TRAPPC9: variants seen among roughly 807,000 people sequenced by gnomAD.
TRAPPC9 encodes the protein trafficking protein particle complex subunit 9.
In TRAPPC9, 83 loss-of-function variants were observed where a neutral mutation model predicts 124.0. The ratio of observed to expected loss-of-function variants is 0.67; its 90% CI spans 0.56 to 0.80. TRAPPC9 has a LOEUF of 0.80. Ranked by LOEUF, TRAPPC9 falls within the 30% of genes least tolerant of loss-of-function variation. The pLI, the probability that TRAPPC9 is intolerant of heterozygous loss-of-function variation, is 0.00. For missense variants in TRAPPC9, 1,302 were observed against 1,508.3 expected, an observed-to-expected ratio of 0.86 and a Z score of 2.27; for synonymous variants, 638 against 617.5, an observed-to-expected ratio of 1.03 and a Z score of -0.49.
chr8:140,410,223 T>C (rs1394204970), intron 5 of TRAPPC9, among the ~76,000 whole-genome samples: 1 of 152,088 alleles, frequency 6.6e-6, no homozygotes, highest in Admixed American at 6.6e-5. Context: ...GTTTTGATTT[T>C]TGGAATCATA....
At chr8:140,338,714 C>T (rs577789060) in intron 9 of TRAPPC9, among the ~76,000 whole-genome samples, 2 of 151,636 alleles carry the variant, frequency 1.3e-5, no homozygotes, top group South Asian at 2.1e-4. Context: ...ACCTACAGGC[C>T]GACGGGAAAC....
intron 9 of TRAPPC9, among the ~76,000 whole-genome samples, chr8:140,313,291 C>G (rs1298618384): frequency 6.6e-6 from 1 of 152,058 alleles, no homozygotes; most frequent in African/African-American, 2.4e-5. Context: ...TTGAATTCTA[C>G]CACCCCATAC....
intron 18 of TRAPPC9, among the ~76,000 whole-genome samples, chr8:139,997,754 G>A (rs1473687221): frequency 4.1e-4 from 29 of 70,552 alleles, no homozygotes; most frequent in Admixed American, 6.6e-4. Context: ...CAGGGAGACA[G>A]TGCATCCTAC....
chr8:140,046,720 A>G (rs1271944212), intron 17 of TRAPPC9, among the ~76,000 whole-genome samples: 1 of 152,222 alleles, frequency 6.6e-6, no homozygotes. Context: ...TTATTCTTCA[A>G]TGCCCCATAC....
chr8:139,808,585 A>G (rs542702418), intron 21 of TRAPPC9, among the ~76,000 whole-genome samples: 14 of 152,184 alleles, frequency 9.2e-5, no homozygotes, highest in Non-Finnish European at 1.5e-4. Context: ...ATGTACCCCT[A>G]AAAAGCAACT....
At chr8:139,733,132 A>G (rs904990339) in intron 21 of TRAPPC9, among the ~76,000 whole-genome samples, 7 of 152,268 alleles carry the variant, frequency 4.6e-5, no homozygotes, top group Non-Finnish European at 8.8e-5. Context: ...ATTAAGTGAA[A>G]GGTCCCGATA....
At chr8:140,279,275 G>A (rs933171354) in intron 14 of TRAPPC9, among the ~76,000 whole-genome samples, 21 of 152,272 alleles carry the variant, frequency 1.4e-4, no homozygotes, top group African/African-American at 3.4e-4. Context: ...GGCCTAGGTC[G>A]AGGGCATTTT....
rs202041590 is a variant in TRAPPC9 at position 140,221,422 on chromosome 8, C to A, written c.2556+37G>T. On this transcript the variant is annotated intron_variant, in intron 17 of 22. Coordinates refer to ENST00000438773, the MANE Select transcript of TRAPPC9 (RefSeq NM_001160372.4). ...AGAAACGGCTTTGCAGAAGCCCGAA[C>A]GGCACGTGGCAGATGCCGTCTGCCA... 2.5e-6 allele frequency: 4 copies of A among 1,612,758 alleles called. No homozygotes were observed. The Admixed American group carries it at 6.7e-5, about 27-fold the overall frequency.
intron 21 of TRAPPC9, among the ~76,000 whole-genome samples, chr8:139,817,765 T>C (rs1311096261): frequency 6.6e-6 from 1 of 152,182 alleles, no homozygotes; most frequent in Non-Finnish European, 1.5e-5. Flanking sequence ...TGCTCACTCC[T>C]CTATGGGATG....
chr8:140,385,375 A>C (rs957002123), intron 7 of TRAPPC9, among the ~76,000 whole-genome samples: 1 of 152,028 alleles, frequency 6.6e-6, no homozygotes, highest in African/African-American at 2.4e-5. Flanking sequence ...CAATGAATCC[A>C]GGAGCTGGTT....
chr8:140,455,491 C>T (rs757055419), intron 1 of TRAPPC9, among the ~76,000 whole-genome samples: 8 of 151,650 alleles, frequency 5.3e-5, no homozygotes, highest in East Asian at 1.9e-4. Context: ...AAAGCAGTGG[C>T]GCGATCTCGG....
chr8:140,397,839 A>G (rs2069140590), intron 6 of TRAPPC9, 94 bp from the exon 7 acceptor site: 1 of 1,523,042 alleles, frequency 6.6e-7, no homozygotes, highest in Admixed American at 1.7e-5. Flanking sequence ...AATAACTACA[A>G]CAGCACTTCC....
chr8:140,324,432 T>A (rs1416721084), intron 9 of TRAPPC9, among the ~76,000 whole-genome samples: 1 of 152,152 alleles, frequency 6.6e-6, no homozygotes, highest in Non-Finnish European at 1.5e-5. Context: ...ACAGAAAGAT[T>A]CATGATTTTT....
At chr8:139,732,281 A>G in intron 21 of TRAPPC9, 79 bp from the exon 22 acceptor site, 1 of 1,315,752 alleles carries the variant, frequency 7.6e-7, no homozygotes, top group Non-Finnish European at 1.0e-6. Context: ...TCGCTGATTC[A>G]TTCATTTCTT....
At chr8:140,249,719 T>A (rs919934176) in intron 16 of TRAPPC9, among the ~76,000 whole-genome samples, 3 of 145,390 alleles carry the variant, frequency 2.1e-5, no homozygotes, top group Non-Finnish European at 4.5e-5. Context: ...TTCTCCCACC[T>A]CAGCCTCCCA....
At chr8:139,996,158 C>A (rs1185364807) in intron 18 of TRAPPC9, among the ~76,000 whole-genome samples, 13 of 19,424 alleles carry the variant, frequency 6.7e-4, no homozygotes, top group Admixed American at 1.0e-3. Context: ...AAAACTTAAG[C>A]AAAAAAAAAA....
chr8:140,037,892 AC>A (rs1841013711), intron 17 of TRAPPC9, among the ~76,000 whole-genome samples: 1 of 145,278 alleles, frequency 6.9e-6, no homozygotes, highest in Non-Finnish European at 1.5e-5. Context: ...ACACACACAC[AC>A]ACACACACAC....
At position 139,742,679 on chromosome 8, in the gene TRAPPC9, C is replaced by T. The variant is rs1445477619; in HGVS notation, c.3056-10477G>A. ...TGGGGCCAGATGGAGACCAGACCTT[C>T]AGGACATGAGGACCAGCAGGTCAGA... On this transcript the variant is annotated intron_variant, in intron 21 of 22. Transcript: ENST00000438773. This position sits in a 1 kb window ranked among gnomAD's most constrained non-coding sequence, Gnocchi z 4.7. Among the ~76,000 whole-genome samples, 2 of 152,184 alleles carry T rather than the reference C, an allele frequency of 1.3e-5. No individual in the cohort carries two copies. The highest frequency in any genetic ancestry group is 1.5e-5 in the Non-Finnish European group (1 of 68,032).
chr8:139,885,677 C>T (rs1218157790), intron 21 of TRAPPC9, among the ~76,000 whole-genome samples: 1 of 152,250 alleles, frequency 6.6e-6, no homozygotes, highest in African/African-American at 2.4e-5. Context: ...GAGCTGCCCG[C>T]CTAGGTGAAC....
Sources: gnomAD v4.1 joint callset for allele counts (sites outside exome capture counted in the v4.1 genomes callset) on GRCh38, gnomAD v4.1.1 for gene constraint, Gnocchi (gnomAD v3.1) non-coding constraint, MANE v1.5 for transcripts, NCBI Gene and HGNC (gene_info 2026-07-23, HGNC 2026-07-21) for gene names.